GLP2R: variants seen among roughly 807,000 people sequenced by gnomAD.
GLP2R encodes glucagon-like peptide 2 receptor.
In GLP2R, 59 loss-of-function variants were observed where a neutral mutation model predicts 68.2. The observed-to-expected ratio is 0.87, with a 90% CI of 0.70 to 1.07. The LOEUF (loss-of-function observed/expected upper bound fraction) is 1.07, where lower values mean the gene tolerates loss of function less well. Among genes scored for constraint, GLP2R ranks in the 50% least tolerant of loss-of-function variants. The probability of loss-of-function intolerance (pLI) is 0.00; values close to 1 mark genes in which losing one functional copy is unlikely to be tolerated. For missense variants in GLP2R, 548 were observed against 677.4 expected, an observed-to-expected ratio of 0.81 and a Z score of 2.12; for synonymous variants, 270 against 265.4, an observed-to-expected ratio of 1.02 and a Z score of -0.17.
At chr17:9,834,677 C>G (rs955592961) in intron 2 of GLP2R, 1 of 152,288 alleles carries the variant, frequency 6.6e-6, no homozygotes, top group Non-Finnish European at 1.5e-5. Context: ...TATTCAGAGG[C>G]CTTGAGATTG....
intron 9 of GLP2R, among the ~76,000 whole-genome samples, chr17:9,868,439 C>T (rs1389443302): frequency 6.6e-5 from 10 of 152,192 alleles, no homozygotes. Context: ...AAGAATGTCA[C>T]ATCTGAGAAT....
chr17:9,828,632 C>G (rs563095008), intron 1 of GLP2R, among the ~76,000 whole-genome samples: 1 of 152,168 alleles, frequency 6.6e-6, no homozygotes, highest in African/African-American at 2.4e-5. Flanking sequence ...TAAATGGTTG[C>G]GTTCGATGCT....
At chr17:9,828,962 C>T (rs1177255060) in intron 1 of GLP2R, among the ~76,000 whole-genome samples, 1 of 152,152 alleles carries the variant, frequency 6.6e-6, no homozygotes, top group East Asian at 1.9e-4. Flanking sequence ...CTTGGTTCTC[C>T]ATCTTAACCC....
Position 9,880,375 on chromosome 17 carries a change from C to T in GLP2R, c.1146-3C>T. On this transcript the variant is annotated splice_polypyrimidine_tract_variant and splice_region_variant and intron_variant, in intron 10 of 12. Coordinates refer to ENST00000262441, the MANE Select transcript of GLP2R (RefSeq NM_004246.3). The stretch of plus-strand genomic sequence containing the variant: ...TTGACTGTTATTTGGTTGTCATTTA[C>T]AGATTGGCAAAATCAACACTGGTCC... 6.3e-7 allele frequency: 1 copy of T among 1,582,838 alleles called. No individual in the cohort carries two copies. Among genetic ancestry groups the T allele is most frequent in the Non-Finnish European group, 8.6e-7 (1 of 1,159,274 alleles).
At position 9,887,452 on chromosome 17, in the gene GLP2R, G is replaced by A. The variant is rs771380762; in HGVS notation, c.1285-480G>A. 5.3e-5 allele frequency among the ~76,000 whole-genome samples: 8 copies of A among 152,154 alleles called. No homozygotes were observed. In the East Asian group the frequency reaches 1.2e-3, roughly 22 times the overall value. On this transcript the variant is annotated intron_variant, in intron 11 of 12. Transcript: ENST00000262441. ...CTGAGACAGGAGAATGCTTGAACTC[G>A]GGAGGCGGAGGTTGCAGTGAGCCGA...
chr17:9,852,534 T>C (rs968243606), intron 4 of GLP2R, among the ~76,000 whole-genome samples: 4 of 151,954 alleles, frequency 2.6e-5, no homozygotes, highest in African/African-American at 9.7e-5. Flanking sequence ...CTTAAGAAAC[T>C]AGGAAAAAAA....
chr17:9,866,147 A>C, intron 9 of GLP2R: 1 of 334,450 alleles, frequency 3.0e-6, no homozygotes, highest in Non-Finnish European at 5.8e-6. Context: ...AAGAAGTGAA[A>C]GAGGCAGGCT....
intron 1 of GLP2R, among the ~76,000 whole-genome samples, chr17:9,829,597 T>C (rs937435951): frequency 3.3e-5 from 5 of 152,214 alleles, no homozygotes; most frequent in African/African-American, 1.2e-4. Context: ...GATGCTTTAC[T>C]TCATTTATTA....
At chr17:9,857,285 TA>T in intron 5 of GLP2R, 137 bp from the exon 6 acceptor site, 1 of 716,034 alleles carries the variant, frequency 1.4e-6, no homozygotes, top group Non-Finnish European at 2.3e-6. Flanking sequence ...TACGGTCACA[TA>T]ATCCAGCAGT....
chr17:9,832,465 G>A (rs769996128), intron 1 of GLP2R, among the ~76,000 whole-genome samples: 26 of 152,150 alleles, frequency 1.7e-4, no homozygotes, highest in Non-Finnish European at 2.6e-4. Context: ...CAGGAGGTGA[G>A]GCAGGAGAAT....
chr17:9,838,537 C>G (rs1022537978), intron 3 of GLP2R, among the ~76,000 whole-genome samples: 1 of 152,138 alleles, frequency 6.6e-6, no homozygotes, highest in Non-Finnish European at 1.5e-5. Flanking sequence ...CTACCTGTCC[C>G]TTTCCAAGAG....
At chr17:9,873,545 C>T (rs1210482978) in intron 10 of GLP2R, among the ~76,000 whole-genome samples, 1 of 97,832 alleles carries the variant, frequency 1.0e-5, no homozygotes, top group Non-Finnish European at 2.5e-5. Flanking sequence ...ATCACAAAAA[C>T]TATGCATGGA....
chr17:9,851,234 C>T (rs1187651557), intron 4 of GLP2R, among the ~76,000 whole-genome samples: 1 of 152,164 alleles, frequency 6.6e-6, no homozygotes, highest in Non-Finnish European at 1.5e-5. Context: ...TGCTATTCGA[C>T]CCAGTAATGT....
At chr17:9,859,636 A>AAAT (rs1555571772) in intron 6 of GLP2R, among the ~76,000 whole-genome samples, 1,829 of 143,062 alleles carry the variant, frequency 0.013, 41 homozygotes, top group African/African-American at 0.044. Flanking sequence ...ACTAAAAAAA[A>AAAT]ATATATATAT....
chr17:9,836,580 T>A, intron 3 of GLP2R, 105 bp downstream of exon 3: 1 of 670,180 alleles, frequency 1.5e-6, no homozygotes, highest in East Asian at 2.6e-5. Context: ...ACATCTTCCT[T>A]CTGTAATTTT....
intron 10 of GLP2R, among the ~76,000 whole-genome samples, chr17:9,877,739 C>T (rs1282687755): frequency 1.3e-5 from 2 of 151,816 alleles, no homozygotes; most frequent in East Asian, 1.9e-4. Context: ...TAGCTGGGCA[C>T]AGTGGCGGGC....
intron 11 of GLP2R, among the ~76,000 whole-genome samples, chr17:9,882,421 GC>G (rs1330928659): frequency 6.6e-6 from 1 of 152,220 alleles, no homozygotes; most frequent in Non-Finnish European, 1.5e-5. Context: ...GCCTTGACAA[GC>G]CCCCACATAT....
intron 4 of GLP2R, among the ~76,000 whole-genome samples, chr17:9,849,945 A>G (rs1013487020): frequency 6.6e-6 from 1 of 152,150 alleles, no homozygotes; most frequent in Admixed American, 6.6e-5. Flanking sequence ...AAACTGCCAC[A>G]GTGAATAATC....
At chr17:9,835,052 C>T (rs992981313) in intron 2 of GLP2R, among the ~76,000 whole-genome samples, 9 of 108,538 alleles carry the variant, frequency 8.3e-5, no homozygotes, top group African/African-American at 2.5e-4. Context: ...TTTTTTGAGA[C>T]AGAGTCTCAC....
Sources: allele counts gnomAD v4.1 joint callset (sites outside exome capture counted in the v4.1 genomes callset), GRCh38; gene constraint gnomAD v4.1.1; transcripts MANE v1.5; gene names NCBI Gene and HGNC (gene_info 2026-07-23, HGNC 2026-07-21).